The following ZNF341 variants were observed in gnomAD, a reference collection of about 807,000 sequenced individuals.
The protein encoded by ZNF341 is zinc finger protein 341.
A neutral mutation model predicts 87.7 loss-of-function variants in ZNF341; 52 were observed. The ratio of observed to expected loss-of-function variants is 0.59; its 90% CI spans 0.47 to 0.75. The LOEUF is 0.75. Among genes scored for constraint, ZNF341 ranks in the 30% least tolerant of loss-of-function variants. The pLI is 0.00. For missense variants in ZNF341, 977 were observed against 1,145.9 expected, an observed-to-expected ratio of 0.85 and a Z score of 2.13; for synonymous variants, 459 against 472.7, an observed-to-expected ratio of 0.97 and a Z score of 0.38.
chr20:33,764,823 G>A, intron 8 of ZNF341, among the ~76,000 whole-genome samples: 2 of 150,274 alleles, frequency 1.3e-5, no homozygotes, highest in South Asian at 2.1e-4. Flanking sequence ...TCTGTTTTTT[G>A]TTTTGTTTTG....
chr20:33,790,442 G>A (rs1485867031), intron 14 of ZNF341, among the ~76,000 whole-genome samples: 1 of 152,104 alleles, frequency 6.6e-6, no homozygotes, highest in Non-Finnish European at 1.5e-5. Flanking sequence ...CAGTATCCCT[G>A]GCTTCTATCT....
At chr20:33,774,609 A>G (rs1158919627) in intron 10 of ZNF341, among the ~76,000 whole-genome samples, 1 of 152,226 alleles carries the variant, frequency 6.6e-6, no homozygotes, top group Non-Finnish European at 1.5e-5. Context: ...GCAATGTCCA[A>G]CAAACAGACT....
intron 12 of ZNF341, 81 bp from the exon 13 acceptor site, chr20:33,788,782 T>G (rs1343846759): frequency 1.8e-6 from 2 of 1,139,286 alleles, no homozygotes; most frequent in East Asian, 2.5e-5. Flanking sequence ...GCTGCTCCCC[T>G]GAGGGGCCCA....
At chr20:33,747,004 G>A (rs936500656) in intron 3 of ZNF341, among the ~76,000 whole-genome samples, 12 of 152,096 alleles carry the variant, frequency 7.9e-5, no homozygotes, top group African/African-American at 2.4e-4. Context: ...TTCCAAGTCC[G>A]GAGGCCAGAG....
chr20:33,748,775 TG>T, intron 3 of ZNF341, 147 bp from the exon 4 acceptor site: 1 of 721,940 alleles, frequency 1.4e-6, no homozygotes, highest in Admixed American at 2.9e-5. Flanking sequence ...AATCCACGTC[TG>T]TGGGATTCCA....
At chr20:33,774,228 G>A (rs1320469560) in intron 10 of ZNF341, among the ~76,000 whole-genome samples, 3 of 151,962 alleles carry the variant, frequency 2.0e-5, no homozygotes, top group African/African-American at 7.3e-5. Context: ...GGAGGTGGAG[G>A]TTGCAGTGAG....
At chr20:33,758,538 T>C (rs2019227969) in intron 6 of ZNF341, among the ~76,000 whole-genome samples, 178 bp from the exon 7 acceptor site, 1 of 152,184 alleles carries the variant, frequency 6.6e-6, no homozygotes, top group Non-Finnish European at 1.5e-5. Flanking sequence ...GAGCATGTCC[T>C]GGGCTTTCCT....
At chr20:33,742,808 T>C (rs1303828543) in intron 2 of ZNF341, among the ~76,000 whole-genome samples, 2 of 152,156 alleles carry the variant, frequency 1.3e-5, no homozygotes, top group African/African-American at 2.4e-5. Context: ...GCAGATACGG[T>C]ACAGTTCTAT....
chr20:33,734,130 G>A (rs1471958107), intron 1 of ZNF341, among the ~76,000 whole-genome samples: 2 of 152,248 alleles, frequency 1.3e-5, no homozygotes, highest in Admixed American at 1.3e-4. Flanking sequence ...TGAAGAAAGG[G>A]CAGCAGGACT....
chr20:33,743,033 T>C (rs866519472), intron 2 of ZNF341, among the ~76,000 whole-genome samples: 36 of 140,938 alleles, frequency 2.6e-4, no homozygotes, highest in East Asian at 9.8e-4. Flanking sequence ...GTCTCTCTCT[T>C]TTTTTTTTTT....
At chr20:33,733,069 C>T (rs2018608652) in intron 1 of ZNF341, among the ~76,000 whole-genome samples, 2 of 152,106 alleles carry the variant, frequency 1.3e-5, no homozygotes, top group South Asian at 2.1e-4. Context: ...TTTTTTGAGA[C>T]GGAGTCTCAC....
At chr20:33,760,668 T>C (rs1419690572) in intron 7 of ZNF341, among the ~76,000 whole-genome samples, 1 of 152,046 alleles carries the variant, frequency 6.6e-6, no homozygotes, top group Admixed American at 6.6e-5. Context: ...CTCAGCCTCC[T>C]AAGTAGCTGA....
rs2019497695 is a variant in ZNF341 at position 33,770,171 on chromosome 20, C to A, written c.1501C>A (p.Leu501Met). 1 of 1,614,062 alleles carries A rather than the reference C, an allele frequency of 6.2e-7. No individual in the cohort carries two copies. Among genetic ancestry groups the A allele is most frequent in the African/African-American group, 1.3e-5 (1 of 74,924 alleles). ...LEHIKSHQEE[L>M]SYRCHLCGKD... ...GCACATCAAGAGCCACCAGGAGGAG[C>A]TGAGCTACCGCTGCCACCTCTGCGG... The change falls in exon 10 of 15, where the codon CTG becomes ATG. Residue 501 changes from leucine (L) to methionine (M), a missense_variant. Physicochemically the swap from Leu to Met is conservative, Grantham distance 15 (BLOSUM62 2). Transcript: ENST00000375200.
At chr20:33,770,554 T>C (rs1437129406) in intron 10 of ZNF341, among the ~76,000 whole-genome samples, 3 of 152,218 alleles carry the variant, frequency 2.0e-5, no homozygotes, top group African/African-American at 7.2e-5. Context: ...AAGAGGAACC[T>C]ATATTTCCTT....
intron 2 of ZNF341, among the ~76,000 whole-genome samples, chr20:33,743,827 C>T (rs1003101778): frequency 8.5e-5 from 13 of 152,164 alleles, no homozygotes; most frequent in African/African-American, 2.2e-4. Context: ...ATTCAACAAA[C>T]GTCCATTGAG....
Position 33,748,925 on chromosome 20 carries a change from C to A in ZNF341, c.342C>A (p.Ile114=). 3 of 1,612,630 alleles carry A rather than the reference C, an allele frequency of 1.9e-6. No homozygotes were observed. The East Asian group carries it at 6.7e-5, about 36-fold the overall frequency. ...ATTCTCTCTCTCCCACTGTCCAGAT[C>A]TCCACATACATCACAGTGCCCCCGT... ...QQAPTPANRQ[I]STYITVPPSP... Residue 114 remains isoleucine, a splice_region_variant and synonymous_variant, in exon 4 of 15, where the codon ATC becomes ATA. Coordinates refer to ENST00000375200, the MANE Select transcript of ZNF341 (RefSeq NM_001282933.2).
At chr20:33,762,736 C>G (rs545563695) in intron 8 of ZNF341, among the ~76,000 whole-genome samples, 4 of 152,196 alleles carry the variant, frequency 2.6e-5, no homozygotes, top group South Asian at 2.1e-4. Context: ...CTCCCTGTGT[C>G]CATGTGTTCT....
rs2018580572 is a variant in ZNF341, at chr20:33,732,188, G to A, written c.31+136G>A. On this transcript the variant is annotated intron_variant, in intron 1 of 14. Transcript: ENST00000375200. This position sits in a 1 kb window ranked among gnomAD's most constrained non-coding sequence, Gnocchi z 4.5. The stretch of plus-strand genomic sequence containing the variant: ...CGGGGCTGGAACAGCCGCGGGGCGG[G>A]AGGGGCGCGGGCGGGAACAGCGCGG... The A allele has an allele frequency of 1.5e-6, 1 of 674,692 alleles. No individual in the cohort carries two copies. The highest frequency in any genetic ancestry group is 7.5e-4 in the Middle Eastern group (1 of 1,332). 41.8% of individuals were successfully genotyped at this position (674,692 alleles called of 1,614,324 possible). A position where few individuals can be genotyped will look rare whatever the true frequency, so the allele number is the denominator to read the frequency against.
chr20:33,791,259 C>T lies in ZNF341; in HGVS notation c.2307C>T (p.Asp769=). 6.2e-7 allele frequency: 1 copy of T among 1,611,922 alleles called. No homozygotes were observed. Among genetic ancestry groups the T allele is most frequent in the South Asian group, 1.1e-5 (1 of 91,004 alleles). Residue 769 remains aspartate, a synonymous_variant, in exon 15 of 15, where the codon GAC becomes GAT. Transcript: ENST00000375200. ...GGRKVLTPLP[D]PLGLEELKDT... ...GCAAGGTGCTGACCCCCTTGCCTGA[C>T]CCGCTGGGGCTGGAGGAGCTGAAGG...
Sources: allele counts gnomAD v4.1 joint callset (sites outside exome capture counted in the v4.1 genomes callset), GRCh38; gene constraint gnomAD v4.1.1; non-coding constraint Gnocchi (gnomAD v3.1); transcripts MANE v1.5; gene names NCBI Gene and HGNC (gene_info 2026-07-23, HGNC 2026-07-21).